COL25A1: variants seen among roughly 807,000 people sequenced by gnomAD.
COL25A1 encodes the protein collagen type XXV alpha 1 chain.
Under a neutral mutation model 128.4 loss-of-function variants are expected in COL25A1, and 103 were observed. The ratio of observed to expected loss-of-function variants is 0.80; its 90% CI spans 0.68 to 0.94. COL25A1 has a LOEUF of 0.94. Among genes scored for constraint, COL25A1 ranks in the 40% least tolerant of loss-of-function variants. The pLI is 0.00. For synonymous variants in COL25A1, 279 were observed against 277.2 expected (o/e 1.01, Z -0.06); for missense variants, 745 against 840.0 (o/e 0.89, Z 1.40).
chr4:109,275,051 C>T (rs1392916886), intron 3 of COL25A1, among the ~76,000 whole-genome samples: 1 of 152,110 alleles, frequency 6.6e-6, no homozygotes, highest in African/African-American at 2.4e-5. Context: ...CTTTGTGAAG[C>T]CAATGTTTTA....
chr4:109,091,974 T>C (rs775042151), intron 3 of COL25A1, among the ~76,000 whole-genome samples: 23 of 152,180 alleles, frequency 1.5e-4, no homozygotes, highest in Middle Eastern at 3.2e-3. Flanking sequence ...AAAACATTTA[T>C]GACATGTTGG....
chr4:109,293,358 C>A (rs1724652488), intron 3 of COL25A1, among the ~76,000 whole-genome samples: 1 of 151,962 alleles, frequency 6.6e-6, no homozygotes, highest in Non-Finnish European at 1.5e-5. Context: ...GCTTTTTCCT[C>A]CCCTCTTTTA....
At chr4:109,038,094 G>T (rs992763276) in intron 5 of COL25A1, among the ~76,000 whole-genome samples, 1 of 152,214 alleles carries the variant, frequency 6.6e-6, no homozygotes, top group Non-Finnish European at 1.5e-5. Context: ...ACTTGAAGAG[G>T]TGTCTGTTTA....
At chr4:109,047,426 A>G (rs910769459) in intron 5 of COL25A1, among the ~76,000 whole-genome samples, 3 of 152,146 alleles carry the variant, frequency 2.0e-5, no homozygotes, top group Non-Finnish European at 4.4e-5. Flanking sequence ...GAGCTAAGCT[A>G]TGAGGATGCA....
intron 6 of COL25A1, among the ~76,000 whole-genome samples, chr4:108,992,332 GT>G (rs1469886415): frequency 1.3e-5 from 2 of 152,160 alleles, no homozygotes; most frequent in Non-Finnish European, 2.9e-5. Context: ...ACTATCCTCT[GT>G]TGAAGATACT....
At chr4:109,056,888 G>C (rs997770123) in intron 3 of COL25A1, among the ~76,000 whole-genome samples, 17 of 152,314 alleles carry the variant, frequency 1.1e-4, no homozygotes, top group African/African-American at 3.9e-4. Flanking sequence ...GACAGTGTAA[G>C]TGGTGTCGAA....
chr4:109,275,299 C>T (rs1287012499), intron 3 of COL25A1, among the ~76,000 whole-genome samples: 1 of 152,168 alleles, frequency 6.6e-6, no homozygotes, highest in Non-Finnish European at 1.5e-5. Context: ...AAAGGACCCC[C>T]TGTGAGCCTC....
chr4:109,001,424 G>GATCC (rs1561003582), intron 6 of COL25A1, among the ~76,000 whole-genome samples: 2 of 18,418 alleles, frequency 1.1e-4, no homozygotes, highest in Non-Finnish European at 1.7e-4. Context: ...CAGGTAGGCA[G>GATCC]TGAGCTAGAG....
chr4:109,195,246 G>A (rs1369837800), intron 3 of COL25A1, among the ~76,000 whole-genome samples: 2 of 152,196 alleles, frequency 1.3e-5, no homozygotes, highest in Non-Finnish European at 2.9e-5. Context: ...ATTGAGCACA[G>A]TAGCCCTAGC....
chr4:108,961,629 G>GTTCTGTTC (rs1750715350), intron 8 of COL25A1, among the ~76,000 whole-genome samples: 1 of 80,166 alleles, frequency 1.2e-5, no homozygotes, highest in African/African-American at 4.7e-5. Context: ...CTGTTCTGTT[G>GTTCTGTTC]TTGTGTTGTG....
At chr4:108,858,467 T>A (rs1736776730) in intron 24 of COL25A1, among the ~76,000 whole-genome samples, 1 of 152,130 alleles carries the variant, frequency 6.6e-6, no homozygotes. Flanking sequence ...AAGAATAGTT[T>A]AAAAATGACT....
chr4:108,866,535 C>T (rs1340426198), intron 20 of COL25A1, among the ~76,000 whole-genome samples: 1 of 152,208 alleles, frequency 6.6e-6, no homozygotes, highest in Non-Finnish European at 1.5e-5. Flanking sequence ...CCCTCTCAGG[C>T]ACTAATGTAG....
intron 5 of COL25A1, among the ~76,000 whole-genome samples, chr4:109,019,466 A>G (rs1757529647): frequency 6.6e-6 from 1 of 150,788 alleles, no homozygotes; most frequent in Non-Finnish European, 1.5e-5. Context: ...TTTATAAAGA[A>G]AAAAAGTTTA....
In COL25A1 at chr4:109,224,680, C is replaced by T. The variant is rs1199160512; in HGVS notation, c.367+75903G>A. 2.0e-5 allele frequency among the ~76,000 whole-genome samples: 3 copies of T among 152,256 alleles called. No individual in the cohort carries two copies. The East Asian group carries it at 5.8e-4, about 29-fold the overall frequency. On this transcript the variant is annotated intron_variant, in intron 3 of 37. Coordinates refer to ENST00000399132, the MANE Select transcript of COL25A1 (RefSeq NM_198721.4). ...CCTGGCTGGGCACAGTGGCTCACAC[C>T]TGTAATCTCAGCACTTTGGGAGTCC... is the stretch of plus-strand genomic sequence containing the variant.
intron 3 of COL25A1, among the ~76,000 whole-genome samples, chr4:109,240,825 T>C (rs1387685680): frequency 1.3e-5 from 2 of 152,096 alleles, no homozygotes; most frequent in Admixed American, 6.6e-5. Context: ...ATTTAAGTTG[T>C]CTGTCCAGGA....
At chr4:109,057,582 T>C (rs1478244078) in intron 3 of COL25A1, among the ~76,000 whole-genome samples, 1 of 151,832 alleles carries the variant, frequency 6.6e-6, no homozygotes, top group Non-Finnish European at 1.5e-5. Context: ...GTGCCTGGCC[T>C]CAATTTGAAA....
In COL25A1 at chr4:108,940,603, G is replaced by A; in HGVS notation, c.608C>T (p.Pro203Leu). The change falls in exon 10 of 38, where the codon CCA (proline) becomes CTA (leucine). Residue 203 changes from proline (P) to leucine (L), a missense_variant. This residue lies in a region of COL25A1 where 319 missense variants were observed against 324.9 expected (regional missense o/e 0.98). Transcript: ENST00000399132. The part of the protein sequence containing the change: ...QAGPPGPPGP[P>L]GPRGPPGDTG... Reference sequence around the variant, plus strand: ...GTCCCCAGGTGGCCCTCTTGGGCCTGGAGGGCCAGGGGGTCCTGGAGGCCC... The same window carrying A: ...GTCCCCAGGTGGCCCTCTTGGGCCTAGAGGGCCAGGGGGTCCTGGAGGCCC... 2.5e-6 allele frequency: 4 copies of A among 1,611,114 alleles called. No homozygotes were observed. Among genetic ancestry groups the A allele is most frequent in the Middle Eastern group, 1.7e-4 (1 of 6,038 alleles).
At chr4:108,891,047 CAGTT>C (rs1392537201) in intron 16 of COL25A1, among the ~76,000 whole-genome samples, 3 of 152,176 alleles carry the variant, frequency 2.0e-5, no homozygotes, top group Admixed American at 6.5e-5. Flanking sequence ...CTCTGTTAGA[CAGTT>C]AGCTACATGT....
At chr4:109,018,021 C>T (rs1040662544) in intron 5 of COL25A1, among the ~76,000 whole-genome samples, 7 of 151,964 alleles carry the variant, frequency 4.6e-5, no homozygotes, top group Non-Finnish European at 8.8e-5. Context: ...CTCAAGTTCA[C>T]ACACTGAGAT....
Sources: gnomAD v4.1 joint callset for allele counts (sites outside exome capture counted in the v4.1 genomes callset) on GRCh38, gnomAD v4.1.1 for gene constraint, gnomAD v4.1.1 regional missense constraint, MANE v1.5 for transcripts, NCBI Gene and HGNC (gene_info 2026-07-23, HGNC 2026-07-21) for gene names.